Variants in UVRAG observed in about 807,000 individuals in gnomAD.
UVRAG encodes the protein UV radiation resistance-associated gene protein.
A neutral mutation model predicts 78.0 loss-of-function variants in UVRAG; 19 were observed. That is an observed-to-expected ratio of 0.24 (90% CI 0.17 to 0.36). The LOEUF (loss-of-function observed/expected upper bound fraction) is 0.36. Ranked by LOEUF, UVRAG falls within the 10% of genes least tolerant of loss-of-function variation. The pLI, the probability that UVRAG is intolerant of heterozygous loss-of-function variation, is 1.00. For synonymous variants in UVRAG, 323 were observed against 324.6 expected (o/e 1.00, Z 0.05); for missense variants, 740 against 853.8 (o/e 0.87, Z 1.66).
At chr11:76,061,518 ACACT>A (rs1024499908) in intron 12 of UVRAG, among the ~76,000 whole-genome samples, 32 of 152,140 alleles carry the variant, frequency 2.1e-4, no homozygotes, top group African/African-American at 7.5e-4. Context: ...ATGAGCTGTA[ACACT>A]CACCGCGAAG....
At chr11:76,137,743 TTAAAAA>T (rs746220360) in intron 14 of UVRAG, 33 of 306,946 alleles carry the variant, frequency 1.1e-4, no homozygotes, top group African/African-American at 1.5e-4. Context: ...TAAAAAAAAA[TTAAAAA>T]TAAAAAACAT....
intron 14 of UVRAG, among the ~76,000 whole-genome samples, chr11:76,117,729 A>G (rs1204149090): frequency 6.6e-6 from 1 of 152,232 alleles, no homozygotes; most frequent in African/African-American, 2.4e-5. Context: ...GACAGCGATC[A>G]GGTGACTTTT....
chr11:75,819,787 G>A (rs1221903256), intron 1 of UVRAG, among the ~76,000 whole-genome samples: 1 of 151,924 alleles, frequency 6.6e-6, no homozygotes, highest in Non-Finnish European at 1.5e-5. Context: ...TGGCCAACAT[G>A]GTGAAACCCT....
At chr11:76,037,883 G>C (rs1950567451) in intron 12 of UVRAG, among the ~76,000 whole-genome samples, 1 of 152,148 alleles carries the variant, frequency 6.6e-6, no homozygotes. Context: ...GTGTGGGCAA[G>C]ACTTGTGAAT....
chr11:75,894,725 A>T (rs1947302451), intron 5 of UVRAG, among the ~76,000 whole-genome samples: 2 of 150,916 alleles, frequency 1.3e-5, no homozygotes, highest in East Asian at 3.9e-4. Context: ...GCACTTTGGG[A>T]AGCTGAGGTG....
chr11:75,861,650 A>G, intron 2 of UVRAG, 96 bp from the exon 3 acceptor site: 1 of 764,510 alleles, frequency 1.3e-6, no homozygotes, highest in Non-Finnish European at 2.2e-6. Context: ...TAAATGTTTT[A>G]CTGCAACATA....
chr11:76,110,235 T>TATATA, intron 13 of UVRAG, among the ~76,000 whole-genome samples: 1 of 150,368 alleles, frequency 6.7e-6, no homozygotes, highest in African/African-American at 2.5e-5. Flanking sequence ...TATATATGTA[T>TATATA]TAGTAATGAT....
chr11:76,063,568 T>C (rs1354810945), intron 12 of UVRAG, among the ~76,000 whole-genome samples: 1 of 152,184 alleles, frequency 6.6e-6, no homozygotes, highest in Non-Finnish European at 1.5e-5. Flanking sequence ...TTGAAGACAG[T>C]AGAGTCGGTG....
At chr11:75,932,525 C>T (rs963938750) in intron 6 of UVRAG, among the ~76,000 whole-genome samples, 4 of 152,068 alleles carry the variant, frequency 2.6e-5, no homozygotes, top group African/African-American at 9.7e-5. Context: ...AGCTCATGAT[C>T]TGCCCGCCTC....
chr11:76,036,411 GTGA>G (rs1282468624), intron 12 of UVRAG, among the ~76,000 whole-genome samples: 1 of 152,038 alleles, frequency 6.6e-6, no homozygotes, highest in Non-Finnish European at 1.5e-5. Context: ...TTAACCAAGT[GTGA>G]TGGCACCCAG....
rs544729788 is a variant in UVRAG, at chr11:76,018,168, T to C, written c.1226+1188T>C. ...GGAAAATGGTAAAGGTACTAATTTA[T>C]ATTCAGACTAATAAACATGCATATT... On this transcript the variant is annotated intron_variant, in intron 12 of 14. Transcript: ENST00000356136. 4.1e-4 allele frequency among the ~76,000 whole-genome samples: 62 copies of C among 152,328 alleles called. No individual in the cohort carries two copies. In the South Asian group the frequency reaches 7.0e-3, roughly 17 times the overall value.
intron 12 of UVRAG, among the ~76,000 whole-genome samples, chr11:76,053,380 C>A (rs1027418941): frequency 2.6e-5 from 4 of 151,248 alleles, no homozygotes; most frequent in African/African-American, 2.4e-5. Flanking sequence ...CCCGTGTTTC[C>A]CATCACAATT....
At chr11:76,005,744 G>T (rs886604693) in intron 9 of UVRAG, among the ~76,000 whole-genome samples, 1 of 152,218 alleles carries the variant, frequency 6.6e-6, no homozygotes, top group Admixed American at 6.5e-5. Flanking sequence ...TTAAATAGAG[G>T]TTCCCATAAC....
intron 12 of UVRAG, among the ~76,000 whole-genome samples, chr11:76,053,699 C>T (rs760824388): frequency 9.2e-5 from 14 of 152,102 alleles, no homozygotes; most frequent in Non-Finnish European, 1.6e-4. Flanking sequence ...CAGCTGGGCA[C>T]GGTGGCTCAC....
intron 1 of UVRAG, among the ~76,000 whole-genome samples, chr11:75,826,804 A>G (rs1945522287): frequency 1.3e-5 from 2 of 149,636 alleles, no homozygotes; most frequent in South Asian, 4.2e-4. Flanking sequence ...TCTGTGTAAT[A>G]TTTGGTGTTG....
intron 6 of UVRAG, among the ~76,000 whole-genome samples, chr11:75,960,524 T>C (rs1948889744): frequency 6.6e-6 from 1 of 152,152 alleles, no homozygotes; most frequent in Non-Finnish European, 1.5e-5. Flanking sequence ...CCTAGTACTT[T>C]GAGAGGCCGA....
intron 4 of UVRAG, among the ~76,000 whole-genome samples, chr11:75,886,071 T>G (rs911509677): frequency 6.6e-6 from 1 of 152,300 alleles, no homozygotes; most frequent in Non-Finnish European, 1.5e-5. Flanking sequence ...GTACCAGGGC[T>G]GTAAAACAAG....
intron 13 of UVRAG, among the ~76,000 whole-genome samples, chr11:76,093,144 G>A (rs557386242): frequency 1.2e-3 from 190 of 152,302 alleles, no homozygotes; most frequent in Non-Finnish European, 8.2e-4. Context: ...TCAGATGGTT[G>A]TAGATGTGTG....
At chr11:76,080,847 T>G (rs1410725574) in intron 13 of UVRAG, among the ~76,000 whole-genome samples, 1 of 152,190 alleles carries the variant, frequency 6.6e-6, no homozygotes. Context: ...AGACAGTATA[T>G]GTGGTTAGGA....
Sources: allele counts gnomAD v4.1 joint callset (sites outside exome capture counted in the v4.1 genomes callset), GRCh38; gene constraint gnomAD v4.1.1; transcripts MANE v1.5; gene names NCBI Gene and HGNC (gene_info 2026-07-23, HGNC 2026-07-21).